SFMBT2: variants seen among roughly 807,000 people sequenced by gnomAD.
The protein encoded by SFMBT2 is Scm like with four mbt domains 2.
In SFMBT2, 38 loss-of-function variants were observed where a neutral mutation model predicts 110.1. That is an observed-to-expected ratio of 0.35 (90% CI 0.27 to 0.45). The LOEUF (loss-of-function observed/expected upper bound fraction) is 0.45, where lower values mean the gene tolerates loss of function less well. SFMBT2 is among the 20% of genes least tolerant of loss of function. The pLI, the probability that SFMBT2 is intolerant of heterozygous loss-of-function variation, is 1.00. For synonymous variants in SFMBT2, 425 were observed against 425.4 expected (o/e 1.00, Z 0.01); for missense variants, 1,011 against 1,094.9 (o/e 0.92, Z 1.08).
At chr10:7,350,706 T>C (rs1004832647) in intron 4 of SFMBT2, among the ~76,000 whole-genome samples, 4 of 152,250 alleles carry the variant, frequency 2.6e-5, no homozygotes, top group African/African-American at 9.6e-5. Flanking sequence ...AGTTCTACCA[T>C]AGCCATAATA....
intron 4 of SFMBT2, among the ~76,000 whole-genome samples, chr10:7,348,942 C>T (rs1167673835): frequency 2.0e-5 from 3 of 152,132 alleles, no homozygotes; most frequent in African/African-American, 7.2e-5. Context: ...ACCACCATGA[C>T]AAGGATGAGA....
At chr10:7,242,431 T>C (rs995767131) in intron 9 of SFMBT2, among the ~76,000 whole-genome samples, 3 of 152,200 alleles carry the variant, frequency 2.0e-5, no homozygotes, top group African/African-American at 7.2e-5. Context: ...GCGCAAGTTA[T>C]ATAAACTCTC....
chr10:7,220,434 C>T lies in SFMBT2; in HGVS notation c.1307G>A (p.Arg436Gln), dbSNP rs778212893. The change falls in exon 11 of 21, where the codon CGG becomes CAG. Residue 436 changes from arginine to glutamine, a missense_variant. Physicochemically the swap from Arg to Gln is conservative, Grantham distance 43. Coordinates refer to ENST00000397167, the MANE Select transcript of SFMBT2 (RefSeq NM_001387889.1). ...CVASVVSVKGRLMWLHLEGLQ... is the reference protein window; with the variant it reads ...CVASVVSVKGQLMWLHLEGLQ... ...ACCTTCCAGGTGAAGCCACATTAGC[C>T]GCCCCTTCACACTCACAACGGAGGC... 1.9e-5 allele frequency: 31 copies of T among 1,613,838 alleles called. No homozygotes were observed. Among genetic ancestry groups the T allele is most frequent in the Middle Eastern group, 1.6e-4 (1 of 6,084 alleles).
Position 7,171,105 on chromosome 10 carries a change from T to G in SFMBT2, c.2416-49A>C. 6.2e-7 allele frequency: 1 copy of G among 1,612,674 alleles called. No homozygotes were observed. Among genetic ancestry groups the G allele is most frequent in the Non-Finnish European group, 8.5e-7 (1 of 1,179,602 alleles). ...CTCAGCTGCGGCACAGTCAGCTGGC[T>G]GGGTCCTCTCCAGCACTCTCCAGGC... On this transcript the variant is annotated intron_variant, in intron 19 of 20. Transcript: ENST00000397167. The surrounding 1 kb of genome is among the most constrained non-coding windows in gnomAD (Gnocchi z 4.9).
chr10:7,188,610 T>C lies in SFMBT2; in HGVS notation c.1808+14A>G, dbSNP rs201763292. On this transcript the variant is annotated intron_variant, in intron 16 of 20. Transcript: ENST00000397167. ...TTACAAAAACCCTTGCTTTCCAGAA[T>C]TGAAAACACTTACTTGGCCTTCAGC... is the stretch of plus-strand genomic sequence containing the variant. 5.7e-4 allele frequency: 908 copies of C among 1,604,918 alleles called. 4 individuals carry two copies. Among genetic ancestry groups the C allele is most frequent in the Non-Finnish European group, 2.3e-4 (266 of 1,173,198 alleles).
chr10:7,252,101 C>T (rs572701886), intron 7 of SFMBT2, among the ~76,000 whole-genome samples: 22 of 152,328 alleles, frequency 1.4e-4, no homozygotes, highest in South Asian at 2.1e-4. Flanking sequence ...CTTTCTACAT[C>T]GCAGGCCCTC....
chr10:7,206,123 C>G (rs1052763152), intron 11 of SFMBT2, 195 bp from the exon 12 acceptor site: 31 of 985,170 alleles, frequency 3.1e-5, no homozygotes, highest in Admixed American at 6.2e-5. Flanking sequence ...AGACAAAACT[C>G]CTTGAAATAT....
chr10:7,362,959 A>C (rs1844771417), intron 4 of SFMBT2, among the ~76,000 whole-genome samples: 1 of 152,228 alleles, frequency 6.6e-6, no homozygotes, highest in African/African-American at 2.4e-5. Context: ...ACTAGCACCC[A>C]AACCCTCCTT....
chr10:7,383,059 T>C (rs763020642), intron 1 of SFMBT2, among the ~76,000 whole-genome samples: 5 of 152,108 alleles, frequency 3.3e-5, no homozygotes, highest in Non-Finnish European at 7.4e-5. Context: ...ATGTCACACA[T>C]AGAGAGAAGT....
intron 9 of SFMBT2, among the ~76,000 whole-genome samples, chr10:7,233,694 G>A (rs1440525165): frequency 6.6e-6 from 1 of 152,150 alleles, no homozygotes; most frequent in Non-Finnish European, 1.5e-5. Context: ...GCAGCACTTC[G>A]GGGCATTTTT....
intron 4 of SFMBT2, among the ~76,000 whole-genome samples, chr10:7,303,030 C>T (rs1842596124): frequency 6.6e-6 from 1 of 151,900 alleles, no homozygotes; most frequent in African/African-American, 2.4e-5. Context: ...AAAAATGCTG[C>T]ACCTGTAGCT....
At chr10:7,299,134 C>T (rs1337833932) in intron 4 of SFMBT2, among the ~76,000 whole-genome samples, 1 of 152,014 alleles carries the variant, frequency 6.6e-6, no homozygotes, top group Non-Finnish European at 1.5e-5. Flanking sequence ...ATAAAAACCC[C>T]GGAAGAAAAC....
intron 9 of SFMBT2, 71 bp downstream of exon 9, chr10:7,243,487 G>C: frequency 1.2e-6 from 1 of 840,058 alleles, no homozygotes; most frequent in Non-Finnish European, 2.1e-6. Flanking sequence ...GATTAATGCA[G>C]GTGTTACTTC....
rs562249925 is a variant in SFMBT2 at position 7,191,884 on chromosome 10, C to T, written c.1699-3151G>A. Among the ~76,000 whole-genome samples, 36 of 152,270 alleles carry T rather than the reference C, an allele frequency of 2.4e-4. 2 individuals are homozygous for T. In the Middle Eastern group the frequency reaches 0.027, roughly 115 times the overall value. On this transcript the variant is annotated intron_variant, in intron 15 of 20. Transcript: ENST00000397167. ...TCTAAAAATTAACAATAAATTCACTCCAAGTATTTGATGCCATATAATCTA... is the reference window on the plus strand; with the variant it reads ...TCTAAAAATTAACAATAAATTCACTTCAAGTATTTGATGCCATATAATCTA...
chr10:7,188,543 C>T (rs755159219), intron 16 of SFMBT2, 81 bp downstream of exon 16: 129 of 1,086,918 alleles, frequency 1.2e-4, no homozygotes, highest in Non-Finnish European at 1.7e-4. Context: ...AGGGCTGTGT[C>T]ACAAAGAGAA....
intron 4 of SFMBT2, among the ~76,000 whole-genome samples, chr10:7,340,655 C>CAAAAA (rs776262305): frequency 3.5e-5 from 3 of 86,792 alleles, no homozygotes; most frequent in African/African-American, 1.4e-4. Context: ...GAACCTATCT[C>CAAAAA]AAAAAAAAAA....
At chr10:7,384,717 T>A (rs995233456) in intron 1 of SFMBT2, among the ~76,000 whole-genome samples, 1 of 152,144 alleles carries the variant, frequency 6.6e-6, no homozygotes, top group African/African-American at 2.4e-5. Flanking sequence ...GGAGGCTGGC[T>A]ACATTTTACC....
At chr10:7,329,859 C>T (rs532751389) in intron 4 of SFMBT2, among the ~76,000 whole-genome samples, 3 of 152,242 alleles carry the variant, frequency 2.0e-5, no homozygotes, top group Non-Finnish European at 2.9e-5. Context: ...CGAGGTCACT[C>T]GGGCTGTCCC....
At position 7,160,106 on chromosome 10, in the gene SFMBT2, C is replaced by A. The variant is rs1405932923; in HGVS notation, c.*3664G>T. The A allele has an allele frequency of 2.0e-5, 3 of 152,198 alleles. No homozygotes were observed. The highest frequency in any genetic ancestry group is 2.9e-5 in the Non-Finnish European group (2 of 68,040). 9.4% of individuals were successfully genotyped at this position (152,198 alleles called of 1,614,324 possible). A position where few individuals can be genotyped will look rare whatever the true frequency, so the allele number is the denominator to read the frequency against. ...AAGGTGGGAGAACCCAGAAGCCGTG[C>A]AGCTCAAATACTGTGTCTGACTCCA... On this transcript the variant is annotated 3_prime_UTR_variant, in exon 21 of 21. Coordinates refer to ENST00000397167, the MANE Select transcript of SFMBT2 (RefSeq NM_001387889.1).
Sources: gnomAD v4.1 joint callset for allele counts (sites outside exome capture counted in the v4.1 genomes callset) on GRCh38, gnomAD v4.1.1 for gene constraint, Gnocchi (gnomAD v3.1) non-coding constraint, MANE v1.5 for transcripts, NCBI Gene and HGNC (gene_info 2026-07-23, HGNC 2026-07-21) for gene names.